MEMO1: variants seen among roughly 807,000 people sequenced by gnomAD.
MEMO1 encodes the protein protein MEMO1.
MEMO1 carries 6 observed loss-of-function variants against 45.2 expected under a neutral mutation model. The ratio of observed to expected loss-of-function variants is 0.13; its 90% CI spans 0.07 to 0.26. The LOEUF is 0.26. Among genes scored for constraint, MEMO1 ranks in the 10% least tolerant of loss-of-function variants. The pLI is 1.00. For synonymous variants in MEMO1, 78 were observed against 124.3 expected, an observed-to-expected ratio of 0.63 and a Z score of 2.48; for missense variants, 184 against 370.5, an observed-to-expected ratio of 0.50 and a Z score of 4.13.
At chr2:31,998,074 T>C (rs1355851209) in intron 2 of MEMO1, among the ~76,000 whole-genome samples, 1 of 152,192 alleles carries the variant, frequency 6.6e-6, no homozygotes, top group Non-Finnish European at 1.5e-5. Context: ...TGCAGTGGCA[T>C]AATCACAGCT....
intron 2 of MEMO1, among the ~76,000 whole-genome samples, chr2:31,982,394 A>C (rs1186566180): frequency 2.6e-5 from 4 of 151,300 alleles, no homozygotes; most frequent in Admixed American, 2.6e-4. Flanking sequence ...GTTTGAGACC[A>C]GCCTGACCAA....
intron 2 of MEMO1, among the ~76,000 whole-genome samples, chr2:31,948,092 T>C (rs1666394740): frequency 1.3e-5 from 2 of 152,248 alleles, no homozygotes; most frequent in African/African-American, 4.8e-5. Context: ...GTGATAGCAA[T>C]GTTGCTGGCC....
intron 2 of MEMO1, among the ~76,000 whole-genome samples, chr2:31,943,713 G>C (rs531819249): frequency 6.6e-6 from 1 of 152,300 alleles, no homozygotes; most frequent in Admixed American, 6.5e-5. Flanking sequence ...AGTGTATGAA[G>C]AGGAAATAAT....
chr2:31,928,989 T>C (rs1021177320), intron 4 of MEMO1, among the ~76,000 whole-genome samples: 3 of 152,212 alleles, frequency 2.0e-5, no homozygotes, highest in African/African-American at 7.2e-5. Flanking sequence ...TACATTTTTA[T>C]GACTCTTAAT....
At chr2:31,906,855 G>A (rs1679823051) in intron 6 of MEMO1, among the ~76,000 whole-genome samples, 1 of 152,130 alleles carries the variant, frequency 6.6e-6, no homozygotes, top group Admixed American at 6.6e-5. Context: ...TTACGTATGT[G>A]TGAAAAGGTA....
At chr2:31,991,544 C>A (rs745334401) in intron 2 of MEMO1, among the ~76,000 whole-genome samples, 1 of 145,538 alleles carries the variant, frequency 6.9e-6, no homozygotes, top group Non-Finnish European at 1.5e-5. Context: ...GTACCCCAGC[C>A]TGGGCAACAA....
intron 8 of MEMO1, among the ~76,000 whole-genome samples, chr2:31,876,152 C>T (rs887963187): frequency 1.3e-5 from 2 of 152,152 alleles, no homozygotes; most frequent in East Asian, 1.9e-4. Context: ...CTCTTTTATA[C>T]ACACCACTCT....
intron 2 of MEMO1, among the ~76,000 whole-genome samples, chr2:31,977,284 C>A (rs1267587101): frequency 6.6e-6 from 1 of 152,072 alleles, no homozygotes; most frequent in Non-Finnish European, 1.5e-5. Flanking sequence ...TCTGTGTAGA[C>A]AGACAGTCAA....
intron 7 of MEMO1, among the ~76,000 whole-genome samples, 160 bp from the exon 8 acceptor site, chr2:31,883,622 G>T (rs1675731009): frequency 6.6e-6 from 1 of 152,022 alleles, no homozygotes. Flanking sequence ...AAAATAAAAG[G>T]CACATTTGGG....
chr2:31,933,349 ATT>A (rs759401665), intron 3 of MEMO1, among the ~76,000 whole-genome samples: 394 of 19,258 alleles, frequency 0.02, 12 homozygotes, highest in South Asian at 0.039. Flanking sequence ...AAAAAAAAAA[ATT>A]TATATATATA....
At chr2:32,009,779 G>C (rs1396474586) in intron 2 of MEMO1, among the ~76,000 whole-genome samples, 1 of 152,146 alleles carries the variant, frequency 6.6e-6, no homozygotes, top group Non-Finnish European at 1.5e-5. Context: ...GCGGGGCTCG[G>C]CGCCGGGCAC....
chr2:31,889,853 C>A (rs1406362579), intron 7 of MEMO1, among the ~76,000 whole-genome samples: 2 of 152,048 alleles, frequency 1.3e-5, no homozygotes, highest in African/African-American at 4.8e-5. Flanking sequence ...AAACACCAAA[C>A]ATAAATCTAA....
At chr2:31,962,617 T>C (rs1312092920) in intron 2 of MEMO1, among the ~76,000 whole-genome samples, 2 of 152,216 alleles carry the variant, frequency 1.3e-5, no homozygotes, top group African/African-American at 4.8e-5. Context: ...GTAATCACTT[T>C]TAAGAAATTA....
At chr2:31,967,854 T>C (rs72860967) in intron 2 of MEMO1, among the ~76,000 whole-genome samples, 1,722 of 152,330 alleles carry the variant, frequency 0.011, 42 homozygotes, top group African/African-American at 0.039. Flanking sequence ...TTTTTAAAAA[T>C]TGTTTATGTA....
chr2:31,968,932 GTTAATT>G lies in MEMO1; in HGVS notation c.62-25555_62-25550del, dbSNP rs1229855306. Among the ~76,000 whole-genome samples the G allele has an allele frequency of 3.9e-5, 6 of 151,906 alleles. No homozygotes were observed. The East Asian group carries it at 9.6e-4, about 24-fold the overall frequency. ...TTTACAGCATATTTATAATAAAATT[GTTAATT>G]TTAAAGTAAAAGTTAAAAAAATGGT... is the stretch of plus-strand genomic sequence containing the variant. On this transcript the variant is annotated intron_variant, in intron 2 of 9. Coordinates refer to ENST00000404530, the MANE Select transcript of MEMO1 (RefSeq NM_001301833.4).
intron 4 of MEMO1, chr2:31,923,838 C>A: frequency 7.8e-7 from 1 of 1,280,864 alleles, no homozygotes; most frequent in Non-Finnish European, 1.0e-6. Flanking sequence ...TAACAATAGC[C>A]AAAAGATACA....
chr2:32,003,427 G>T (rs888122036), intron 2 of MEMO1, among the ~76,000 whole-genome samples: 3 of 152,072 alleles, frequency 2.0e-5, no homozygotes, highest in Admixed American at 1.3e-4. Context: ...AAAAAGCAAA[G>T]AAATGTTCTA....
intron 3 of MEMO1, among the ~76,000 whole-genome samples, chr2:31,933,341 AAAAAAAAATTT>A (rs1558514139): frequency 1.2e-4 from 8 of 64,040 alleles, no homozygotes; most frequent in African/African-American, 3.5e-4. Context: ...AAAAAAAAAA[AAAAAAAAATTT>A]ATATATATAT....
Position 32,010,341 on chromosome 2 carries a change from G to C in MEMO1, c.-17-77C>G. On this transcript the variant is annotated intron_variant, in intron 1 of 9. Transcript: ENST00000404530. ...GCTCCGCGAGGGGACGAGACACCGC[G>C]GGCCCAGCCCAGGAGGAGGCGGCAG... is the stretch of plus-strand genomic sequence containing the variant. 6 of 684,464 alleles carry C rather than the reference G, an allele frequency of 8.8e-6. No individual in the cohort carries two copies. In the South Asian group the frequency reaches 1.1e-4, roughly 13 times the overall value. 42.4% of individuals were successfully genotyped at this position (684,464 alleles called of 1,614,324 possible).
Sources: allele counts gnomAD v4.1 joint callset (sites outside exome capture counted in the v4.1 genomes callset), GRCh38; gene constraint gnomAD v4.1.1; transcripts MANE v1.5; gene names NCBI Gene and HGNC (gene_info 2026-07-23, HGNC 2026-07-21).